ARSJ: variants seen among roughly 807,000 people sequenced by gnomAD.
ARSJ encodes arylsulfatase J.
ARSJ carries 26 observed loss-of-function variants against 35.9 expected under a neutral mutation model. The ratio of observed to expected loss-of-function variants is 0.72; its 90% confidence interval spans 0.53 to 1.00. The LOEUF (loss-of-function observed/expected upper bound fraction) is 1.00. Among genes scored for constraint, ARSJ ranks in the 50% least tolerant of loss-of-function variants. The pLI is 0.00. For missense variants in ARSJ, 667 were observed against 723.6 expected (o/e 0.92, Z 0.90); for synonymous variants, 294 against 267.6 (o/e 1.10, Z -0.96).
At chr4:113,921,502 A>T (rs1468936446) in intron 1 of ARSJ, among the ~76,000 whole-genome samples, 1 of 152,164 alleles carries the variant, frequency 6.6e-6, no homozygotes, top group East Asian at 1.9e-4. Context: ...TACAAAATTT[A>T]TTTAAAAGCA....
chr4:113,926,335 A>T (rs4593205), intron 1 of ARSJ, among the ~76,000 whole-genome samples: 1 of 151,782 alleles, frequency 6.6e-6, no homozygotes, highest in South Asian at 2.1e-4. Context: ...TGCAAAATGC[A>T]CAACCAGGTG....
chr4:113,961,897 CTGTGTG>C (rs60701922), intron 1 of ARSJ, among the ~76,000 whole-genome samples: 2,002 of 148,102 alleles, frequency 0.014, 24 homozygotes, highest in Admixed American at 0.023. Context: ...CTCTCTCTCT[CTGTGTG>C]TGTGTGTGTG....
intron 1 of ARSJ, among the ~76,000 whole-genome samples, chr4:113,951,990 G>A (rs943303204): frequency 3.3e-5 from 5 of 151,866 alleles, no homozygotes; most frequent in African/African-American, 1.2e-4. Context: ...TTTCTACAAG[G>A]CTTGTTGAAA....
chr4:113,961,436 A>G (rs1026704195), intron 1 of ARSJ, among the ~76,000 whole-genome samples: 3 of 152,086 alleles, frequency 2.0e-5, no homozygotes, highest in African/African-American at 7.2e-5. Flanking sequence ...TTTGATTTCA[A>G]TACTGTGTGT....
chr4:113,949,470 G>A (rs983065482), intron 1 of ARSJ, among the ~76,000 whole-genome samples: 12 of 151,898 alleles, frequency 7.9e-5, no homozygotes, highest in Non-Finnish European at 1.6e-4. Context: ...CATCAAAGGC[G>A]GTAAAAAAAG....
intron 1 of ARSJ, among the ~76,000 whole-genome samples, chr4:113,913,340 C>T (rs542268756): frequency 2.5e-4 from 38 of 152,238 alleles, no homozygotes; most frequent in Admixed American, 2.0e-3. Context: ...ACAAATAACA[C>T]GCTAAGTGAT....
intron 1 of ARSJ, among the ~76,000 whole-genome samples, chr4:113,951,891 T>C (rs1437969699): frequency 6.6e-6 from 1 of 152,118 alleles, no homozygotes; most frequent in Non-Finnish European, 1.5e-5. Context: ...AGGTTAACTT[T>C]GATTTGTTAC....
At position 113,935,011 on chromosome 4, in the gene ARSJ, C is replaced by T. The variant is rs1371216980; in HGVS notation, c.399-31336G>A. ...ATTGGTCAATTATTCCTCTGCTTTC[C>T]GATTTAGCCTAAAGTATATACTATG... On this transcript the variant is annotated intron_variant, in intron 1 of 1. Coordinates refer to ENST00000315366, the MANE Select transcript of ARSJ (RefSeq NM_024590.4). 6.6e-5 allele frequency among the ~76,000 whole-genome samples: 10 copies of T among 151,736 alleles called. No homozygotes were observed. The South Asian group carries it at 1.5e-3, about 22-fold the overall frequency.
Position 113,920,618 on chromosome 4 carries a change from C to A in ARSJ, c.399-16943G>T, listed in dbSNP as rs377669359. On this transcript the variant is annotated intron_variant, in intron 1 of 1. Coordinates refer to ENST00000315366, the MANE Select transcript of ARSJ (RefSeq NM_024590.4). ...TAGACTAAATTCTCCTAAAATGAAA[C>A]CTTTGTTTAAAAAGACAAATCTTAA... 7.2e-5 allele frequency among the ~76,000 whole-genome samples: 11 copies of A among 152,136 alleles called. No individual in the cohort carries two copies. In the East Asian group the frequency reaches 1.9e-3, roughly 27 times the overall value.
intron 1 of ARSJ, among the ~76,000 whole-genome samples, chr4:113,920,817 G>T (rs1467972725): frequency 6.6e-6 from 1 of 152,084 alleles, no homozygotes; most frequent in Non-Finnish European, 1.5e-5. Context: ...GAGTAAAAAT[G>T]AAGTTTTAGA....
chr4:113,924,056 AATATATAT>A (rs1172585833), intron 1 of ARSJ, among the ~76,000 whole-genome samples: 1,432 of 91,672 alleles, frequency 0.016, 53 homozygotes, highest in Admixed American at 0.036. Context: ...AATATATATA[AATATATAT>A]AAATATATAT....
At chr4:113,912,227 A>G (rs1387522216) in intron 1 of ARSJ, among the ~76,000 whole-genome samples, 1 of 152,200 alleles carries the variant, frequency 6.6e-6, no homozygotes, top group Non-Finnish European at 1.5e-5. Flanking sequence ...GAAAAGCAAG[A>G]AGCAGCATTA....
chr4:113,952,369 A>T (rs1725915423), intron 1 of ARSJ, among the ~76,000 whole-genome samples: 1 of 152,084 alleles, frequency 6.6e-6, no homozygotes, highest in Non-Finnish European at 1.5e-5. Flanking sequence ...TCAACCTATT[A>T]ATTAGTTTTA....
At position 113,902,929 on chromosome 4, in the gene ARSJ, G is replaced by T; in HGVS notation, c.1145C>A (p.Pro382His). The T allele has an allele frequency of 1.2e-6, 2 of 1,614,124 alleles. No homozygotes were observed. The highest frequency in any genetic ancestry group is 2.7e-5 in the African/African-American group (2 of 75,002). The part of the protein sequence containing the change: ...KELVHITDWY[P>H]TLISLAEGQI... The stretch of plus-strand genomic sequence containing the variant: ...TCCTTCAGCCAGTGAAATGAGAGTG[G>T]GGTACCAGTCAGTGATGTGCACAAG... Residue 382 changes from proline (P) to histidine (H), a missense_variant, in exon 2 of 2, where the codon CCC becomes CAC. Transcript: ENST00000315366.
chr4:113,974,424 A>G (rs746986156), intron 1 of ARSJ, among the ~76,000 whole-genome samples: 4 of 152,228 alleles, frequency 2.6e-5, no homozygotes, highest in Middle Eastern at 3.4e-3. Context: ...GAGACTTGCA[A>G]TACAAATATC....
intron 1 of ARSJ, among the ~76,000 whole-genome samples, chr4:113,958,459 G>T (rs748483274): frequency 2.7e-4 from 41 of 151,936 alleles, no homozygotes; most frequent in Non-Finnish European, 4.6e-4. Flanking sequence ...AAAAATGAAA[G>T]AATCCATTAA....
At chr4:113,965,746 A>G (rs953164592) in intron 1 of ARSJ, among the ~76,000 whole-genome samples, 2 of 152,264 alleles carry the variant, frequency 1.3e-5, no homozygotes, top group East Asian at 3.9e-4. Context: ...GGAAAAATGT[A>G]TGATTAAACT....
At chr4:113,943,373 A>T (rs1432493027) in intron 1 of ARSJ, 1 of 152,058 alleles carries the variant, frequency 6.6e-6, no homozygotes, top group Admixed American at 6.6e-5. Context: ...GTGATGTTCC[A>T]TCACATGCCA....
chr4:113,964,731 G>A (rs528927543), intron 1 of ARSJ, among the ~76,000 whole-genome samples: 1 of 152,174 alleles, frequency 6.6e-6, no homozygotes, highest in South Asian at 2.1e-4. Context: ...GTGTTATTCA[G>A]TATGGTTCCC....
Sources: gnomAD v4.1 joint callset for allele counts (sites outside exome capture counted in the v4.1 genomes callset) on GRCh38, gnomAD v4.1.1 for gene constraint, MANE v1.5 for transcripts, NCBI Gene and HGNC (gene_info 2026-07-23, HGNC 2026-07-21) for gene names.